Variants in SORBS2 observed in about 807,000 individuals in gnomAD.
SORBS2 encodes sorbin and SH3 domain-containing protein 2.
SORBS2 carries 46 observed loss-of-function variants against 97.7 expected under a neutral mutation model. The ratio of observed to expected loss-of-function variants is 0.47; its 90% CI spans 0.37 to 0.60. The LOEUF is 0.60. Ranked by LOEUF, SORBS2 falls within the 20% of genes least tolerant of loss-of-function variation. SORBS2 has a pLI of 0.00. For synonymous variants in SORBS2, 476 were observed against 473.4 expected, an observed-to-expected ratio of 1.01 and a Z score of -0.07; for missense variants, 1,316 against 1,282.3, an observed-to-expected ratio of 1.03 and a Z score of -0.40.
chr4:185,953,281 T>A (rs968114612), intron 1 of SORBS2, among the ~76,000 whole-genome samples: 2 of 152,224 alleles, frequency 1.3e-5, no homozygotes, highest in Non-Finnish European at 2.9e-5. Flanking sequence ...GCCACCGCAC[T>A]CCAGCCTGGG....
intron 1 of SORBS2, among the ~76,000 whole-genome samples, chr4:185,892,570 G>A (rs2099243042): frequency 6.6e-6 from 1 of 152,138 alleles, no homozygotes; most frequent in African/African-American, 2.4e-5. Context: ...CATACATATC[G>A]CAGAATATTA....
intron 1 of SORBS2, among the ~76,000 whole-genome samples, chr4:185,913,557 G>A (rs1033048136): frequency 5.9e-5 from 9 of 152,172 alleles, no homozygotes; most frequent in African/African-American, 2.2e-4. Flanking sequence ...TAAGACTGAA[G>A]AAGTCACTTC....
intron 1 of SORBS2, among the ~76,000 whole-genome samples, chr4:185,776,643 C>G (rs1043101338): frequency 6.6e-6 from 1 of 151,854 alleles, no homozygotes; most frequent in Non-Finnish European, 1.5e-5. Context: ...GGCTCAGGCC[C>G]GTAATCCAGC....
intron 4 of SORBS2, chr4:185,677,618 T>C (rs575986730): frequency 1.3e-6 from 2 of 1,519,542 alleles, no homozygotes; most frequent in Admixed American, 2.0e-5. Flanking sequence ...AGCTCTCTTT[T>C]CTTTCTGGTG....
chr4:185,647,977 T>C (rs2097242870), intron 3 of SORBS2, among the ~76,000 whole-genome samples: 1 of 152,246 alleles, frequency 6.6e-6, no homozygotes, highest in Non-Finnish European at 1.5e-5. Flanking sequence ...AATTTGTGTC[T>C]AGAAAACTGT....
intron 2 of SORBS2, among the ~76,000 whole-genome samples, chr4:185,743,947 C>A (rs1263672013): frequency 6.8e-6 from 1 of 147,684 alleles, no homozygotes; most frequent in East Asian, 2.0e-4. Context: ...TCTTTCTCCT[C>A]CTCCTTCTTC....
chr4:185,703,051 A>C lies in SORBS2; in HGVS notation c.-197-24229T>G, dbSNP rs1374192936. On this transcript the variant is annotated intron_variant, in intron 2 of 20. Coordinates refer to the SORBS2 transcript ENST00000284776. ...TGGGGTACATATTAACACATGTCCAAGCCACCATCCTGACAACCAAGCTGT... is the reference window on the plus strand; with the variant it reads ...TGGGGTACATATTAACACATGTCCACGCCACCATCCTGACAACCAAGCTGT... Among the ~76,000 whole-genome samples, 4 of 152,210 alleles carry C rather than the reference A, an allele frequency of 2.6e-5. 1 individual carries two copies. The East Asian group carries it at 7.7e-4, about 29-fold the overall frequency.
chr4:185,882,945 A>G (rs1188233567), intron 1 of SORBS2, among the ~76,000 whole-genome samples: 2 of 152,202 alleles, frequency 1.3e-5, no homozygotes, highest in African/African-American at 4.8e-5. Context: ...TTAAAAATAT[A>G]AAACTTAAAG....
intron 2 of SORBS2, among the ~76,000 whole-genome samples, chr4:185,693,530 A>G (rs1182355690): frequency 2.0e-5 from 3 of 152,236 alleles, no homozygotes; most frequent in Admixed American, 6.5e-5. Flanking sequence ...GGCAACTTCT[A>G]AAACAAGAAG....
At chr4:185,714,901 G>A (rs2098453167) in intron 2 of SORBS2, among the ~76,000 whole-genome samples, 2 of 152,154 alleles carry the variant, frequency 1.3e-5, no homozygotes, top group South Asian at 2.1e-4. Flanking sequence ...CATATCAACA[G>A]GCATGCTACC....
At chr4:185,667,420 A>T (rs921811299) in intron 4 of SORBS2, among the ~76,000 whole-genome samples, 1 of 152,118 alleles carries the variant, frequency 6.6e-6, no homozygotes, top group Admixed American at 6.5e-5. Flanking sequence ...GAATACTTTT[A>T]AAAAATCCAT....
intron 2 of SORBS2, among the ~76,000 whole-genome samples, chr4:185,705,623 TG>T (rs1456557584): frequency 6.6e-6 from 1 of 152,124 alleles, no homozygotes; most frequent in Admixed American, 6.5e-5. Context: ...CAAACATGAA[TG>T]GGGGTTTTCC....
intron 1 of SORBS2, among the ~76,000 whole-genome samples, chr4:185,790,302 A>C (rs576444427): frequency 6.6e-6 from 1 of 152,308 alleles, no homozygotes; most frequent in African/African-American, 2.4e-5. Flanking sequence ...GTAAAACACA[A>C]AAATAATGAT....
rs137973443 is a variant in SORBS2, at chr4:185,936,879, G to A, written c.-338+19317C>T. 1.8e-4 allele frequency among the ~76,000 whole-genome samples: 27 copies of A among 152,276 alleles called. No homozygotes were observed. The East Asian group carries it at 3.7e-3, about 21-fold the overall frequency. On this transcript the variant is annotated intron_variant, in intron 1 of 20. Transcript: ENST00000284776. ...TGCACGGCACGGCACAGCATGGCAC[G>A]GGCTGTCAGTTTCACTGAAGGTGGA...
At chr4:185,681,006 G>A (rs565835360) in intron 2 of SORBS2, among the ~76,000 whole-genome samples, 5 of 152,248 alleles carry the variant, frequency 3.3e-5, no homozygotes, top group Non-Finnish European at 5.9e-5. Flanking sequence ...AGTAAGAGGG[G>A]TGGGCTGTTC....
intron 1 of SORBS2, among the ~76,000 whole-genome samples, chr4:185,862,298 C>T (rs1316864889): frequency 4.6e-5 from 7 of 152,190 alleles, no homozygotes; most frequent in Admixed American, 4.6e-4. Context: ...TCTGCAGGGC[C>T]TTGAGCCTTG....
chr4:185,623,380 G>T lies in SORBS2; in HGVS notation c.1749C>A (p.His583Gln), dbSNP rs1581183883. The stretch of plus-strand genomic sequence containing the variant: ...GCCTTCTGGGCTCCTCGGTGTTTTC[G>T]TGTCTGGCTCTTTCGTGTTTTAACA... The change falls in exon 7 of 15, where the codon CAC becomes CAA. Residue 583 changes from histidine to glutamine, a missense_variant. By Grantham distance (24) the His-to-Gln change is conservative. Coordinates refer to ENST00000418609, the Ensembl canonical transcript of SORBS2. The surrounding 1 kb of genome is among the most constrained non-coding windows in gnomAD (Gnocchi z 6.4). 2 of 1,612,916 alleles carry T rather than the reference G, an allele frequency of 1.2e-6. No homozygotes were observed. The highest frequency in any genetic ancestry group is 1.3e-5 in the African/African-American group (1 of 75,002).
chr4:185,698,655 A>C (rs893326368), intron 2 of SORBS2, among the ~76,000 whole-genome samples: 1 of 152,236 alleles, frequency 6.6e-6, no homozygotes, highest in Non-Finnish European at 1.5e-5. Flanking sequence ...GGTGTGGTAG[A>C]AGGCAAAACT....
chr4:185,832,573 C>G, intron 1 of SORBS2, among the ~76,000 whole-genome samples: 1 of 152,180 alleles, frequency 6.6e-6, no homozygotes, highest in East Asian at 1.9e-4. Flanking sequence ...AAAGCAGAAT[C>G]CAGTGATAGC....
Sources: allele counts gnomAD v4.1 joint callset (sites outside exome capture counted in the v4.1 genomes callset), GRCh38; gene constraint gnomAD v4.1.1; non-coding constraint Gnocchi (gnomAD v3.1); transcripts MANE v1.5; gene names NCBI Gene and HGNC (gene_info 2026-07-23, HGNC 2026-07-21).